HECW1: variants seen among roughly 807,000 people sequenced by gnomAD.
HECW1 encodes E3 ubiquitin-protein ligase HECW1.
HECW1 carries 61 observed loss-of-function variants against 182.3 expected under a neutral mutation model. The ratio of observed to expected loss-of-function variants is 0.33; its 90% CI spans 0.27 to 0.41. HECW1 has a LOEUF of 0.41. HECW1 is among the 10% of genes least tolerant of loss of function. The pLI is 1.00. For synonymous variants in HECW1, 859 were observed against 832.6 expected (o/e 1.03, Z -0.55); for missense variants, 1,739 against 2,108.9 (o/e 0.82, Z 3.44).
chr7:43,402,038 C>T (rs2075434763), intron 7 of HECW1, among the ~76,000 whole-genome samples: 1 of 152,038 alleles, frequency 6.6e-6, no homozygotes, highest in African/African-American at 2.4e-5. Flanking sequence ...GACAGCCAAA[C>T]TCCAGGGGAA....
At chr7:43,332,557 G>A (rs536783863) in intron 5 of HECW1, among the ~76,000 whole-genome samples, 55 of 152,340 alleles carry the variant, frequency 3.6e-4, no homozygotes, top group African/African-American at 1.3e-3. Flanking sequence ...AGCCAGGTGG[G>A]TGAGGCAGTG....
intron 3 of HECW1, among the ~76,000 whole-genome samples, chr7:43,305,622 T>TG (rs961194719): frequency 1.3e-5 from 2 of 151,814 alleles, no homozygotes; most frequent in African/African-American, 2.4e-5. Context: ...GTTTGTTGTT[T>TG]GGGGGGGACA....
chr7:43,362,151 A>T (rs866178190), intron 6 of HECW1, among the ~76,000 whole-genome samples: 1 of 144,472 alleles, frequency 6.9e-6, no homozygotes, highest in African/African-American at 2.6e-5. Flanking sequence ...AAAAAAAAAA[A>T]AGAGAGAGAG....
chr7:43,505,802 T>A (rs2079555259), intron 21 of HECW1, among the ~76,000 whole-genome samples: 1 of 152,234 alleles, frequency 6.6e-6, no homozygotes, highest in South Asian at 2.1e-4. Context: ...GCCAGCAGAT[T>A]CTGTGATCTC....
At chr7:43,303,046 G>C (rs543588125) in intron 3 of HECW1, among the ~76,000 whole-genome samples, 15 of 152,132 alleles carry the variant, frequency 9.9e-5, no homozygotes, top group Non-Finnish European at 2.1e-4. Flanking sequence ...ATTTGCCCCA[G>C]CTAACCTGAC....
chr7:43,393,696 C>A (rs2075126211), intron 6 of HECW1, among the ~76,000 whole-genome samples: 1 of 149,224 alleles, frequency 6.7e-6, no homozygotes. Flanking sequence ...TTTTCATCTA[C>A]AGACCTGTTT....
At chr7:43,198,029 C>T (rs1213515674) in intron 2 of HECW1, among the ~76,000 whole-genome samples, 3 of 151,694 alleles carry the variant, frequency 2.0e-5, no homozygotes, top group South Asian at 2.1e-4. Flanking sequence ...ACTCCAACAA[C>T]CTACACATAC....
intron 5 of HECW1, among the ~76,000 whole-genome samples, chr7:43,335,523 C>G (rs1363904884): frequency 6.6e-6 from 1 of 152,220 alleles, no homozygotes; most frequent in South Asian, 2.1e-4. Context: ...TTAGCAGAAA[C>G]CTGATCCACC....
chr7:43,321,400 C>T (rs1810098200), intron 5 of HECW1, among the ~76,000 whole-genome samples: 1 of 152,102 alleles, frequency 6.6e-6, no homozygotes, highest in Non-Finnish European at 1.5e-5. Context: ...CATGGGTCCC[C>T]ATACTGGTGT....
intron 2 of HECW1, among the ~76,000 whole-genome samples, chr7:43,128,599 A>G (rs1786541956): frequency 6.6e-6 from 1 of 152,232 alleles, no homozygotes; most frequent in African/African-American, 2.4e-5. Context: ...CTGCCAAGAT[A>G]ACACATTCTG....
intron 2 of HECW1, among the ~76,000 whole-genome samples, chr7:43,150,398 A>T (rs778758720): frequency 6.6e-6 from 1 of 152,140 alleles, no homozygotes; most frequent in African/African-American, 2.4e-5. Context: ...ATTTTATTTT[A>T]GATTGAGTCT....
intron 24 of HECW1, among the ~76,000 whole-genome samples, chr7:43,529,451 A>T (rs919527429): frequency 6.6e-6 from 1 of 152,156 alleles, no homozygotes; most frequent in Non-Finnish European, 1.5e-5. Context: ...AATAATTCCA[A>T]GAAAGGGTAC....
At chr7:43,274,194 G>T in intron 3 of HECW1, 1 of 516,642 alleles carries the variant, frequency 1.9e-6, no homozygotes, top group Non-Finnish European at 3.4e-6. Context: ...AGTACAAGGT[G>T]GTGGTCTCTC....
At chr7:43,144,459 C>T (rs1230557322) in intron 2 of HECW1, among the ~76,000 whole-genome samples, 1 of 152,180 alleles carries the variant, frequency 6.6e-6, no homozygotes, top group Non-Finnish European at 1.5e-5. Context: ...CAGACACCTA[C>T]CTACCTATGG....
At chr7:43,435,509 G>T (rs2076682564) in intron 8 of HECW1, among the ~76,000 whole-genome samples, 1 of 152,184 alleles carries the variant, frequency 6.6e-6, no homozygotes, top group Non-Finnish European at 1.5e-5. Flanking sequence ...GAACTCGTTA[G>T]TTCTGTTTGT....
intron 26 of HECW1, among the ~76,000 whole-genome samples, chr7:43,543,333 A>T (rs1032343483): frequency 1.3e-5 from 2 of 152,240 alleles, no homozygotes; most frequent in African/African-American, 4.8e-5. Flanking sequence ...ACCGCATCCC[A>T]GTCAAGAATC....
intron 2 of HECW1, among the ~76,000 whole-genome samples, chr7:43,129,011 C>A (rs947274626): frequency 1.3e-5 from 2 of 152,106 alleles, no homozygotes; most frequent in African/African-American, 4.8e-5. Context: ...TATGGATGAG[C>A]AAGGAAAGTG....
intron 7 of HECW1, among the ~76,000 whole-genome samples, chr7:43,399,803 G>A (rs2075346432): frequency 6.6e-6 from 1 of 152,178 alleles, no homozygotes; most frequent in African/African-American, 2.4e-5. Flanking sequence ...AAGTGACTAG[G>A]AATATAAAGT....
chr7:43,333,145 G>A (rs775666240), intron 5 of HECW1, among the ~76,000 whole-genome samples: 1 of 152,206 alleles, frequency 6.6e-6, no homozygotes, highest in Non-Finnish European at 1.5e-5. Flanking sequence ...AGTCATTCCT[G>A]GGGGCCTTAC....
Sources: gnomAD v4.1 joint callset for allele counts (sites outside exome capture counted in the v4.1 genomes callset) on GRCh38, gnomAD v4.1.1 for gene constraint, MANE v1.5 for transcripts, NCBI Gene and HGNC (gene_info 2026-07-23, HGNC 2026-07-21) for gene names.